UBR4: variants seen among roughly 807,000 people sequenced by gnomAD.
The protein encoded by UBR4 is E3 ubiquitin-protein ligase UBR4.
UBR4 carries 124 observed loss-of-function variants against 575.6 expected under a neutral mutation model. The ratio of observed to expected loss-of-function variants is 0.22; its 90% confidence interval spans 0.19 to 0.25. UBR4 has a LOEUF of 0.25. Among genes scored for constraint, UBR4 ranks in the 10% least tolerant of loss-of-function variants. UBR4 has a pLI of 1.00. For missense variants in UBR4, 4,818 were observed against 6,478.8 expected (o/e 0.74, Z 8.80); for synonymous variants, 2,455 against 2,473.7 (o/e 0.99, Z 0.22).
intron 104 of UBR4, among the ~76,000 whole-genome samples, chr1:19,077,276 G>T (rs763201270): frequency 1.4e-4 from 21 of 152,300 alleles, no homozygotes; most frequent in Middle Eastern, 3.4e-3. Context: ...CTCCGGAGAG[G>T]AGTGTCCTGT....
intron 97 of UBR4, among the ~76,000 whole-genome samples, chr1:19,091,474 T>A (rs1451793832): frequency 1.3e-5 from 2 of 152,114 alleles, no homozygotes; most frequent in African/African-American, 4.8e-5. Context: ...CTGAGGACTC[T>A]CAAAACTCAA....
At chr1:19,122,729 A>G (rs1246793521) in intron 66 of UBR4, 104 bp downstream of exon 66, 2 of 1,285,974 alleles carry the variant, frequency 1.6e-6, no homozygotes, top group Non-Finnish European at 2.2e-6. Flanking sequence ...TGCCATTGTC[A>G]ACACAGTTAA....
intron 1 of UBR4, among the ~76,000 whole-genome samples, chr1:19,202,286 GA>G (rs1158646134): frequency 6.6e-6 from 1 of 152,110 alleles, no homozygotes; most frequent in Non-Finnish European, 1.5e-5. Flanking sequence ...CTAACAAACA[GA>G]AAACATTTTC....
intron 88 of UBR4, 76 bp downstream of exon 88, chr1:19,101,444 T>G: frequency 6.6e-7 from 1 of 1,514,398 alleles, no homozygotes; most frequent in Non-Finnish European, 8.9e-7. Context: ...ATAACTTTAA[T>G]GAATCACCAA....
At chr1:19,168,811 A>G (rs974481835) in intron 27 of UBR4, among the ~76,000 whole-genome samples, 1 of 152,052 alleles carries the variant, frequency 6.6e-6, no homozygotes, top group Non-Finnish European at 1.5e-5. Context: ...CCCCGTCTCT[A>G]CTAAAAATAC....
intron 60 of UBR4, among the ~76,000 whole-genome samples, chr1:19,132,345 C>T (rs2082581313): frequency 2.0e-5 from 3 of 151,756 alleles, no homozygotes; most frequent in Non-Finnish European, 1.5e-5. Context: ...CCACACAAGG[C>T]TAATTTTTAT....
At chr1:19,173,118 T>A (rs1326265286) in intron 24 of UBR4, 25 bp from the exon 25 acceptor site, 1 of 1,613,662 alleles carries the variant, frequency 6.2e-7, no homozygotes, top group South Asian at 1.1e-5. Context: ...AAAATATAAT[T>A]AGCTGTGGCA....
At chr1:19,184,352 T>C (rs2151229710) in intron 15 of UBR4, among the ~76,000 whole-genome samples, 177 bp from the exon 16 acceptor site, 1 of 152,358 alleles carries the variant, frequency 6.6e-6, no homozygotes, top group Non-Finnish European at 1.5e-5. Flanking sequence ...TATGAGTCTC[T>C]CTTTCCCACC....
chr1:19,171,312 G>C (rs79326811), intron 25 of UBR4, among the ~76,000 whole-genome samples: 1,663 of 152,296 alleles, frequency 0.011, 30 homozygotes, highest in East Asian at 0.067. Flanking sequence ...GGCCAGATTA[G>C]AGTCTGTAAA....
Position 19,187,547 on chromosome 1 carries a change from A to G in UBR4, c.1395-7T>C. 6.2e-7 allele frequency: 1 copy of G among 1,611,120 alleles called. No individual in the cohort carries two copies. The highest frequency in any genetic ancestry group is 8.5e-7 in the Non-Finnish European group (1 of 1,178,136). On this transcript the variant is annotated splice_region_variant and splice_polypyrimidine_tract_variant and intron_variant, in intron 11 of 105. Coordinates refer to ENST00000375254, the MANE Select transcript of UBR4 (RefSeq NM_020765.3). ...TACCCCAAATCCCTGATGCCTACAC[A>G]AAGAAAAAGGAAAACACAATCCTTA...
At chr1:19,190,097 G>C (rs1304154328) in intron 11 of UBR4, among the ~76,000 whole-genome samples, 2 of 150,924 alleles carry the variant, frequency 1.3e-5, no homozygotes, top group Non-Finnish European at 2.9e-5. Flanking sequence ...TACCAGCCTA[G>C]CCAACATGGC....
Position 19,096,969 on chromosome 1 carries a change from T to G in UBR4, c.13390+224A>C, listed in dbSNP as rs531896257. 7.3e-4 allele frequency among the ~76,000 whole-genome samples: 109 copies of G among 149,214 alleles called. 1 individual carries two copies. Among genetic ancestry groups the G allele is most frequent in the Non-Finnish European group, 1.4e-3 (94 of 67,552 alleles). The stretch of plus-strand genomic sequence containing the variant: ...CTCCAGTTTACTGTTCATTGCATTT[T>G]CCTCTAAAAGTTTGCTGGTATTCTT... On this transcript the variant is annotated intron_variant, in intron 91 of 105. Transcript: ENST00000375254.
In UBR4 at chr1:19,100,051, T is replaced by G. The variant is rs2078463584; in HGVS notation, c.13221+325A>C. 2.3e-6 allele frequency: 1 copy of G among 428,150 alleles called. No individual in the cohort carries two copies. The highest frequency in any genetic ancestry group is 3.7e-5 in the South Asian group (1 of 27,244). The allele number at this position is 428,150 out of a possible 1,614,324, so 26.5% of individuals were successfully genotyped here. ...GCACAGGGGGTAAAACGCCAATATTTAGGGGGCTCAGGTAACTCAGACTCA... is the reference window on the plus strand; with the variant it reads ...GCACAGGGGGTAAAACGCCAATATTGAGGGGGCTCAGGTAACTCAGACTCA... On this transcript the variant is annotated intron_variant, in intron 89 of 105. Coordinates refer to ENST00000375254, the MANE Select transcript of UBR4 (RefSeq NM_020765.3). The surrounding 1 kb of genome is among the most constrained non-coding windows in gnomAD (Gnocchi z 4.2).
intron 35 of UBR4, among the ~76,000 whole-genome samples, 174 bp downstream of exon 35, chr1:19,162,246 A>G (rs886312803): frequency 2.0e-5 from 3 of 152,218 alleles, no homozygotes; most frequent in African/African-American, 7.2e-5. Context: ...CCTTTCCACA[A>G]GAGATTAGAT....
chr1:19,081,662 G>T, intron 102 of UBR4, 89 bp from the exon 103 acceptor site: 2 of 1,421,950 alleles, frequency 1.4e-6, no homozygotes, highest in Non-Finnish European at 2.0e-6. Flanking sequence ...ATTTGTCGTT[G>T]TCTTGTGACA....
rs2077876459 is a variant in UBR4 at position 19,094,880 on chromosome 1, AGATGGAGGGG to A, written c.13746+16_13746+25del. 6.2e-7 allele frequency: 1 copy of A among 1,611,534 alleles called. No individual in the cohort carries two copies. The highest frequency in any genetic ancestry group is 8.5e-7 in the Non-Finnish European group (1 of 1,179,686). On this transcript the variant is annotated intron_variant, in intron 94 of 105. Coordinates refer to ENST00000375254, the MANE Select transcript of UBR4 (RefSeq NM_020765.3). ...GACAGTGCAGGCTCTCAGTGCCTGC[AGATGGAGGGG>A]CCGAGCCCCACTCACCTTGTCCTCA...
intron 32 of UBR4, 104 bp from the exon 33 acceptor site, chr1:19,164,545 C>T (rs1035073356): frequency 2.3e-6 from 3 of 1,290,212 alleles, no homozygotes; most frequent in Admixed American, 2.3e-5. Context: ...AACTACAATA[C>T]CAATCCCAGC....
chr1:19,158,984 A>G (rs1333043504), intron 39 of UBR4, among the ~76,000 whole-genome samples: 2 of 152,046 alleles, frequency 1.3e-5, no homozygotes, highest in Non-Finnish European at 2.9e-5. Flanking sequence ...TCTACTAAAA[A>G]TACAAAAATT....
chr1:19,156,973 A>G (rs1273384374), intron 40 of UBR4, 48 bp from the exon 41 acceptor site: 1 of 1,584,228 alleles, frequency 6.3e-7, no homozygotes, highest in Admixed American at 1.8e-5. Context: ...GTCCTCTCAG[A>G]GAAGTCAAAG....
Sources: allele counts gnomAD v4.1 joint callset (sites outside exome capture counted in the v4.1 genomes callset), GRCh38; gene constraint gnomAD v4.1.1; non-coding constraint Gnocchi (gnomAD v3.1); transcripts MANE v1.5; gene names NCBI Gene and HGNC (gene_info 2026-07-23, HGNC 2026-07-21).